Variants in AANAT observed in about 807,000 individuals in gnomAD.
The protein encoded by AANAT is aralkylamine N-acetyltransferase, also known as serotonin N-acetyltransferase.
AANAT carries 11 observed loss-of-function variants against 15.6 expected under a neutral mutation model. That is an observed-to-expected ratio of 0.71 (90% CI 0.44 to 1.17). The LOEUF is 1.17. Ranked by LOEUF, AANAT falls within the 50% of genes most tolerant of loss-of-function variation. The probability of loss-of-function intolerance (pLI) is 0.00; values close to 1 mark genes in which losing one functional copy is unlikely to be tolerated. For missense variants in AANAT, 286 were observed against 296.3 expected (o/e 0.97, Z 0.26); for synonymous variants, 139 against 131.5 (o/e 1.06, Z -0.39).
chr17:76,456,183 T>C (rs758822747), intron 1 of AANAT, among the ~76,000 whole-genome samples: 14 of 150,632 alleles, frequency 9.3e-5, no homozygotes, highest in Admixed American at 2.0e-4. Flanking sequence ...AATACAAAAT[T>C]AGCCAGGCAT....
At chr17:76,466,301 G>A (rs558648441), upstream of AANAT, 1,118 of 1,293,766 alleles carry the variant, frequency 8.6e-4, 2 homozygotes, top group Non-Finnish European at 1.1e-3. Context: ...GTCTCTGGTC[G>A]GTCCTGAGAG....
Position 76,469,734 on chromosome 17 carries a change from T to A in AANAT, c.388T>A (p.Phe130Ile). 1 of 1,559,374 alleles carries A rather than the reference T, an allele frequency of 6.4e-7. No individual in the cohort carries two copies. Among genetic ancestry groups the A allele is most frequent in the Non-Finnish European group, 8.7e-7 (1 of 1,151,636 alleles). The change falls in exon 4 of 4, where the codon TTC (phenylalanine) becomes ATC (isoleucine). Residue 130 changes from phenylalanine to isoleucine, a missense_variant. Coordinates refer to ENST00000392492, the MANE Select transcript of AANAT (RefSeq NM_001088.3). This position sits in a 1 kb window ranked among gnomAD's most constrained non-coding sequence, Gnocchi z 5.2. Reference sequence around the variant, plus strand: ...GCATGTGCTGGCCGTGCACCGCGCCTTCCGGCAGCAGGGCAGGGGCCCCAT... The same window carrying A: ...GCATGTGCTGGCCGTGCACCGCGCCATCCGGCAGCAGGGCAGGGGCCCCAT... ...HLHVLAVHRA[F>I]RQQGRGPILL...
chr17:76,469,021 C>CA lies in AANAT; in HGVS notation c.163+113dup. On this transcript the variant is annotated intron_variant, in intron 2 of 3. Transcript: ENST00000392492. This position sits in a 1 kb window ranked among gnomAD's most constrained non-coding sequence, Gnocchi z 5.2. ...GAGGCTGGGTCCCAGAGTATCAGAC[C>CA]ATGTGTGCGCTCAAGAAAGTGGGGG... The CA allele has an allele frequency of 6.8e-7, 1 of 1,478,260 alleles. No homozygotes were observed. The highest frequency in any genetic ancestry group is 1.2e-5 in the South Asian group (1 of 80,126). 91.6% of individuals were successfully genotyped at this position (1,478,260 alleles called of 1,614,324 possible). A position where few individuals can be genotyped will look rare whatever the true frequency, so the allele number is the denominator to read the frequency against.
intron 2 of AANAT, among the ~76,000 whole-genome samples, chr17:76,459,675 C>A (rs564462803): frequency 6.6e-6 from 1 of 152,328 alleles, no homozygotes; most frequent in South Asian, 2.1e-4. Flanking sequence ...TGCTGCTGGT[C>A]ACTATGTGAC....
chr17:76,463,080 G>C (rs573698721), upstream of AANAT, among the ~76,000 whole-genome samples: 1 of 152,154 alleles, frequency 6.6e-6, no homozygotes, highest in Admixed American at 6.5e-5. Flanking sequence ...GCCCGGTGGG[G>C]ATGCTCACTG....
intron 2 of AANAT, among the ~76,000 whole-genome samples, chr17:76,460,130 A>ATTTTTTTTTTTTTTTTTTTT (rs556197358): frequency 1.1e-5 from 1 of 88,000 alleles, no homozygotes; most frequent in Admixed American, 1.2e-4. Flanking sequence ...ACTTCAGGAA[A>ATTTTTTTTTTTTTTTTTTTT]TTTTTTTTTT....
chr17:76,464,643 A>G (rs1352795851), upstream of AANAT, among the ~76,000 whole-genome samples: 1 of 152,084 alleles, frequency 6.6e-6, no homozygotes, highest in Non-Finnish European at 1.5e-5. Context: ...GAGGCTGGGA[A>G]CAAAGAGCCT....
chr17:76,465,705 T>C (rs534682227), upstream of AANAT, among the ~76,000 whole-genome samples: 2 of 152,064 alleles, frequency 1.3e-5, no homozygotes, highest in African/African-American at 4.8e-5. Flanking sequence ...TTCCTTCTCA[T>C]TGGTGGTGGT....
At chr17:76,464,341 TAA>T (rs553446724), upstream of AANAT, among the ~76,000 whole-genome samples, 30 of 133,424 alleles carry the variant, frequency 2.2e-4, no homozygotes, top group Admixed American at 3.0e-4. Flanking sequence ...GACTCTGTCT[TAA>T]AAAAAAAAAA....
upstream of AANAT, among the ~76,000 whole-genome samples, chr17:76,463,186 G>A (rs868649341): frequency 3.2e-4 from 48 of 152,260 alleles, no homozygotes; most frequent in African/African-American, 1.1e-3. Flanking sequence ...CCAACCCCCG[G>A]CCGTGGCAGC....
chr17:76,468,188 G>A (rs2073460191), intron 1 of AANAT, among the ~76,000 whole-genome samples: 1 of 152,180 alleles, frequency 6.6e-6, no homozygotes, highest in Admixed American at 6.5e-5. Context: ...GCACCCAAAG[G>A]ACCAGAAGCC....
At position 76,469,131 on chromosome 17, in the gene AANAT, G is replaced by A; in HGVS notation, c.164-42G>A. On this transcript the variant is annotated intron_variant, in intron 2 of 3. Coordinates refer to ENST00000392492, the MANE Select transcript of AANAT (RefSeq NM_001088.3). This position sits in a 1 kb window ranked among gnomAD's most constrained non-coding sequence, Gnocchi z 5.2. ...GGGTGCAGCAGACAGTGGACGCGAG[G>A]CACAGCGACTACCAGTCACCCACCT... 5 of 1,610,982 alleles carry A rather than the reference G, an allele frequency of 3.1e-6. No individual in the cohort carries two copies. The highest frequency in any genetic ancestry group is 3.4e-6 in the Non-Finnish European group (4 of 1,178,216).
chr17:76,455,277 C>A (rs1460786767), intron 1 of AANAT, among the ~76,000 whole-genome samples: 2 of 152,122 alleles, frequency 1.3e-5, no homozygotes, highest in Non-Finnish European at 2.9e-5. Flanking sequence ...CATGGCAAAA[C>A]CCCATGTCTA....
rs35489931 is a variant in AANAT, at chr17:76,456,620, C to T, written c.-575-2627C>T. 2.8e-4 allele frequency among the ~76,000 whole-genome samples: 42 copies of T among 152,102 alleles called. 1 individual carries two copies. Among genetic ancestry groups the T allele is most frequent in the Middle Eastern group, 3.5e-3 (1 of 288 alleles). On this transcript the variant is annotated intron_variant, in intron 1 of 6. Coordinates refer to the AANAT transcript ENST00000250615. ...CCATCTGGAATCACTGCTGTAAGGA[C>T]GCAGGTCCCTACTCCCTCTCCTGTA...
chr17:76,455,991 C>T lies in AANAT; in HGVS notation c.-576+2209C>T, dbSNP rs992492326. The stretch of plus-strand genomic sequence containing the variant: ...ACACATCACTGCACTCCAGCCTGGG[C>T]GACAGAGCGAGACTGCGTCTCAAAA... On this transcript the variant is annotated intron_variant, in intron 1 of 6. Coordinates refer to the AANAT transcript ENST00000250615. Among the ~76,000 whole-genome samples the T allele has an allele frequency of 9.5e-4, 144 of 151,566 alleles. 1 individual carries two copies. Among genetic ancestry groups the T allele is most frequent in the Admixed American group, 8.8e-3 (134 of 15,188 alleles).
Position 76,469,833 on chromosome 17 carries a change from G to C in AANAT, c.487G>C (p.Ala163Pro), listed in dbSNP as rs371445287. 235 of 1,604,934 alleles carry C rather than the reference G, an allele frequency of 1.5e-4. No homozygotes were observed. Among genetic ancestry groups the C allele is most frequent in the Non-Finnish European group, 2.0e-4 (233 of 1,177,036 alleles). The change falls in exon 4 of 4, where the codon GCG (alanine) becomes CCG (proline). Residue 163 changes from alanine to proline, a missense_variant. Ala to Pro is a conservative substitution (Grantham distance 27). Coordinates refer to ENST00000392492, the MANE Select transcript of AANAT (RefSeq NM_001088.3). This position sits in a 1 kb window ranked among gnomAD's most constrained non-coding sequence, Gnocchi z 5.2. The stretch of plus-strand genomic sequence containing the variant: ...CCGGGCCGCGCTCATGTGCGAGGAC[G>C]CGCTGGTACCCTTCTATGAGAGGTT... ...VRRAALMCED[A>P]LVPFYERFSF...
exon 1 of AANAT, chr17:76,453,433 T>G (rs1598633017): frequency 3.9e-6 from 1 of 255,282 alleles, no homozygotes. Context: ...GAGGAGGAAG[T>G]GGAGTGGCCA....
intron 1 of AANAT, among the ~76,000 whole-genome samples, chr17:76,457,161 G>A (rs2073349806): frequency 1.3e-5 from 2 of 152,134 alleles, no homozygotes; most frequent in African/African-American, 2.4e-5. Flanking sequence ...TCCTGCCTCA[G>A]CCTCCTGAGT....
chr17:76,459,881 C>T (rs568066810), intron 2 of AANAT, among the ~76,000 whole-genome samples: 101 of 152,336 alleles, frequency 6.6e-4, no homozygotes, highest in African/African-American at 2.4e-3. Context: ...CTTGCCTAGA[C>T]CTCGGCTGTA....
Sources: gnomAD v4.1 joint callset for allele counts (sites outside exome capture counted in the v4.1 genomes callset) on GRCh38, gnomAD v4.1.1 for gene constraint, Gnocchi (gnomAD v3.1) non-coding constraint, MANE v1.5 for transcripts, NCBI Gene and HGNC (gene_info 2026-07-23, HGNC 2026-07-21) for gene names.